ROBO2: variants seen among roughly 807,000 people sequenced by gnomAD.
ROBO2 encodes the protein roundabout guidance receptor 2.
In ROBO2, 53 loss-of-function variants were observed where a neutral mutation model predicts 160.8. The ratio of observed to expected loss-of-function variants is 0.33; its 90% CI spans 0.26 to 0.41. The LOEUF (loss-of-function observed/expected upper bound fraction) is 0.41, where lower values mean the gene tolerates loss of function less well. ROBO2 is among the 10% of genes least tolerant of loss of function. ROBO2 has a pLI of 1.00. For synonymous variants in ROBO2, 664 were observed against 611.7 expected, an observed-to-expected ratio of 1.09 and a Z score of -1.26; for missense variants, 1,577 against 1,722.4, an observed-to-expected ratio of 0.92 and a Z score of 1.49.
chr3:77,231,288 G>A (rs1231164837), intron 2 of ROBO2, among the ~76,000 whole-genome samples: 2 of 150,356 alleles, frequency 1.3e-5, no homozygotes, highest in Non-Finnish European at 3.0e-5. Context: ...GCTTGAACCT[G>A]GGAGGAAGAG....
chr3:76,611,854 G>A (rs995191293), intron 2 of ROBO2, among the ~76,000 whole-genome samples: 2 of 151,798 alleles, frequency 1.3e-5, no homozygotes, highest in African/African-American at 4.8e-5. Context: ...ATACCTTTAG[G>A]TTGTTTATTT....
intron 2 of ROBO2, among the ~76,000 whole-genome samples, chr3:76,524,093 T>C (rs1041454649): frequency 6.6e-6 from 1 of 151,948 alleles, no homozygotes; most frequent in South Asian, 2.1e-4. Context: ...ATAATACTAT[T>C]TTAACTTTTA....
intron 2 of ROBO2, among the ~76,000 whole-genome samples, chr3:75,970,171 T>G (rs1351240144): frequency 6.6e-6 from 1 of 151,484 alleles, no homozygotes; most frequent in Non-Finnish European, 1.5e-5. Context: ...CCAAGTATCT[T>G]CTACACCTCC....
At chr3:76,424,923 C>T (rs1310282305) in intron 2 of ROBO2, among the ~76,000 whole-genome samples, 1 of 152,168 alleles carries the variant, frequency 6.6e-6, no homozygotes, top group African/African-American at 2.4e-5. Flanking sequence ...GCATGCTGAA[C>T]TCAACATTCC....
At chr3:77,225,031 GA>G (rs957059938) in intron 2 of ROBO2, among the ~76,000 whole-genome samples, 5 of 151,596 alleles carry the variant, frequency 3.3e-5, no homozygotes, top group African/African-American at 1.2e-4. Flanking sequence ...TAGAGTATTA[GA>G]AAAAAGTAGC....
intron 2 of ROBO2, among the ~76,000 whole-genome samples, chr3:77,229,143 G>C (rs762465373): frequency 1.1e-4 from 16 of 152,152 alleles, no homozygotes; most frequent in Non-Finnish European, 8.8e-5. Context: ...TGATATGGCA[G>C]CAGCTATTGG....
At chr3:76,550,576 C>T (rs1258564319) in intron 2 of ROBO2, among the ~76,000 whole-genome samples, 1 of 152,150 alleles carries the variant, frequency 6.6e-6, no homozygotes, top group Admixed American at 6.5e-5. Flanking sequence ...GTAGAAGCCC[C>T]TCACTCCCAG....
intron 2 of ROBO2, among the ~76,000 whole-genome samples, chr3:76,442,273 A>G (rs939164767): frequency 2.0e-5 from 3 of 152,158 alleles, no homozygotes; most frequent in African/African-American, 7.2e-5. Context: ...TGCGTCAAAA[A>G]CTGCCCCAGC....
intron 2 of ROBO2, among the ~76,000 whole-genome samples, chr3:76,931,326 C>A (rs548281171): frequency 6.6e-6 from 1 of 152,172 alleles, no homozygotes; most frequent in Non-Finnish European, 1.5e-5. Context: ...GAAATATATG[C>A]CACATTGTTA....
At chr3:77,355,001 A>T (rs1362761938) in intron 2 of ROBO2, among the ~76,000 whole-genome samples, 2 of 152,132 alleles carry the variant, frequency 1.3e-5, no homozygotes, top group African/African-American at 4.8e-5. Flanking sequence ...TTTTTAGCAT[A>T]AAGTTCTGTG....
chr3:75,986,440 G>A (rs974772643), intron 2 of ROBO2, among the ~76,000 whole-genome samples: 2 of 150,062 alleles, frequency 1.3e-5, no homozygotes, highest in African/African-American at 4.9e-5. Context: ...TATCTATTCT[G>A]GATCTCAGTC....
intron 2 of ROBO2, among the ~76,000 whole-genome samples, chr3:76,300,499 A>G (rs1160716308): frequency 6.6e-6 from 1 of 152,050 alleles, no homozygotes. Flanking sequence ...ACTAGGACTT[A>G]TATCACTCAT....
intron 2 of ROBO2, among the ~76,000 whole-genome samples, chr3:76,559,405 A>C (rs1247559242): frequency 1.3e-5 from 2 of 152,208 alleles, no homozygotes; most frequent in Non-Finnish European, 2.9e-5. Context: ...ATTGCAATCA[A>C]TTGGCATGGG....
At chr3:75,944,077 T>G (rs570906955) in intron 2 of ROBO2, among the ~76,000 whole-genome samples, 1 of 152,168 alleles carries the variant, frequency 6.6e-6, no homozygotes, top group Non-Finnish European at 1.5e-5. Flanking sequence ...ATACGAAATT[T>G]TTTCTAGGAC....
intron 2 of ROBO2, among the ~76,000 whole-genome samples, chr3:77,237,939 G>T (rs2088328101): frequency 1.3e-5 from 2 of 152,192 alleles, no homozygotes. Context: ...CAGTCTAATA[G>T]ATGTGCAACG....
intron 2 of ROBO2, among the ~76,000 whole-genome samples, chr3:77,234,294 A>G (rs1286522598): frequency 6.6e-6 from 1 of 152,130 alleles, no homozygotes. Context: ...CATCATTACC[A>G]TCTCAAGAAC....
chr3:76,244,022 C>T (rs2107526433), intron 2 of ROBO2, among the ~76,000 whole-genome samples: 2 of 152,116 alleles, frequency 1.3e-5, no homozygotes, highest in Middle Eastern at 6.8e-3. Context: ...TAAATAGCAA[C>T]TAATAATTAT....
rs147533123 is a variant in ROBO2 at position 76,998,731 on chromosome 3, C to T, written c.110-99283C>T. Among the ~76,000 whole-genome samples, 546 of 152,190 alleles carry T rather than the reference C, an allele frequency of 3.6e-3. 2 individuals are homozygous for T. The highest frequency in any genetic ancestry group is 5.5e-3 in the Non-Finnish European group (376 of 67,996). On this transcript the variant is annotated intron_variant, in intron 2 of 26. Coordinates refer to the ROBO2 transcript ENST00000487694. The stretch of plus-strand genomic sequence containing the variant: ...ACAACTAGCCTATGACTAATTTTCA[C>T]GCCTGGGGGAATTTGGTGATTGATG...
intron 2 of ROBO2, among the ~76,000 whole-genome samples, chr3:76,763,338 A>G (rs147673694): frequency 6.6e-5 from 10 of 151,862 alleles, no homozygotes; most frequent in Admixed American, 2.6e-4. Context: ...AAAATGATAT[A>G]TGTAAAGCTT....
Sources: allele counts gnomAD v4.1 joint callset (sites outside exome capture counted in the v4.1 genomes callset), GRCh38; gene constraint gnomAD v4.1.1; transcripts MANE v1.5; gene names NCBI Gene and HGNC (gene_info 2026-07-23, HGNC 2026-07-21).